Variants in SLC35F6 observed in about 807,000 individuals in gnomAD.
SLC35F6 encodes solute carrier family 35 member F6, also known as ANT2-binding protein.
In SLC35F6, 26 loss-of-function variants were observed where a neutral mutation model predicts 29.4. The ratio of observed to expected loss-of-function variants is 0.89; its 90% CI spans 0.65 to 1.23. The LOEUF (loss-of-function observed/expected upper bound fraction) is 1.23, where lower values mean the gene tolerates loss of function less well. Among genes scored for constraint, SLC35F6 ranks in the 50% most tolerant of loss-of-function variants. SLC35F6 has a pLI of 0.00. For missense variants in SLC35F6, 428 were observed against 487.8 expected, an observed-to-expected ratio of 0.88 and a Z score of 1.15; for synonymous variants, 174 against 206.6, an observed-to-expected ratio of 0.84 and a Z score of 1.35.
chr2:26,773,667 C>T (rs1043312830), intron 1 of SLC35F6, among the ~76,000 whole-genome samples: 2 of 147,526 alleles, frequency 1.4e-5, no homozygotes, highest in African/African-American at 5.0e-5. Flanking sequence ...GGCTGGAGTG[C>T]AGTGGTGCAA....
chr2:26,767,234 G>A (rs534204176), intron 1 of SLC35F6, among the ~76,000 whole-genome samples: 116 of 152,254 alleles, frequency 7.6e-4, no homozygotes, highest in African/African-American at 2.6e-3. Context: ...TGGCATCTGC[G>A]CTCCCAGCCT....
chr2:26,764,544 G>T, intron 1 of SLC35F6, 118 bp downstream of exon 1: 5 of 1,306,516 alleles, frequency 3.8e-6, no homozygotes. Context: ...GCTCCGGTCA[G>T]TTCGCGCGCG....
At chr2:26,767,330 G>C (rs1410464189) in intron 1 of SLC35F6, among the ~76,000 whole-genome samples, 9 of 152,240 alleles carry the variant, frequency 5.9e-5, no homozygotes, top group African/African-American at 1.9e-4. Context: ...CTGGAGTCCA[G>C]GCCACTCAAG....
chr2:26,771,802 TA>T (rs112384772), intron 1 of SLC35F6, among the ~76,000 whole-genome samples: 92 of 143,982 alleles, frequency 6.4e-4, no homozygotes, highest in Admixed American at 6.2e-4. Flanking sequence ...ACCCTCTCTC[TA>T]AAAAAAAAAA....
chr2:26,777,423 C>T (rs1158087477), intron 5 of SLC35F6, among the ~76,000 whole-genome samples: 2 of 152,174 alleles, frequency 1.3e-5, no homozygotes, highest in East Asian at 3.8e-4. Context: ...GGGGCTAGTG[C>T]CTGTTGGGGA....
chr2:26,771,070 C>G (rs1009286586), intron 1 of SLC35F6, among the ~76,000 whole-genome samples: 2 of 152,228 alleles, frequency 1.3e-5, no homozygotes, highest in Non-Finnish European at 2.9e-5. Context: ...GGGAGCGCTG[C>G]CAGCCAGGCC....
chr2:26,768,656 CTTT>C (rs569353471), intron 1 of SLC35F6, among the ~76,000 whole-genome samples: 7 of 123,948 alleles, frequency 5.6e-5, no homozygotes, highest in Non-Finnish European at 6.8e-5. Context: ...TGTGCCCAGC[CTTT>C]TTTTTTTTTT....
At chr2:26,764,454 G>T (rs369592926) in intron 1 of SLC35F6, 28 bp downstream of exon 1, 71 of 1,550,414 alleles carry the variant, frequency 4.6e-5, no homozygotes, top group Non-Finnish European at 5.3e-5. Context: ...CGGGCGTGCG[G>T]GCCCTGGCGA....
chr2:26,766,224 A>G (rs1464839903), intron 1 of SLC35F6, among the ~76,000 whole-genome samples: 2 of 152,190 alleles, frequency 1.3e-5, no homozygotes, highest in East Asian at 1.9e-4. Context: ...TCTAAGGTCA[A>G]ACCACAAGAA....
chr2:26,766,139 C>T (rs1364349788), intron 1 of SLC35F6, among the ~76,000 whole-genome samples: 2 of 152,182 alleles, frequency 1.3e-5, no homozygotes, highest in African/African-American at 4.8e-5. Context: ...CTGTCCCCTG[C>T]CTGACAGCTG....
At chr2:26,769,291 G>C (rs945797275) in intron 1 of SLC35F6, among the ~76,000 whole-genome samples, 10 of 152,220 alleles carry the variant, frequency 6.6e-5, no homozygotes, top group Admixed American at 4.6e-4. Context: ...CCAGCACGGA[G>C]AGCCTACTCC....
Position 26,775,544 on chromosome 2 carries a change from T to C in SLC35F6, c.403T>C (p.Phe135Leu). 6.8e-6 allele frequency: 11 copies of C among 1,609,940 alleles called. No individual in the cohort carries two copies. The highest frequency in any genetic ancestry group is 9.3e-6 in the Non-Finnish European group (11 of 1,179,602). Residue 135 changes from phenylalanine to leucine, a missense_variant, in exon 4 of 6, where the codon TTC becomes CTC. Phe to Leu is a conservative substitution (Grantham distance 22). Coordinates refer to ENST00000344420, the MANE Select transcript of SLC35F6 (RefSeq NM_017877.4). This position sits in a 1 kb window ranked among gnomAD's most constrained non-coding sequence, Gnocchi z 4.6. ...ATTCACTGGCCTGTTCTCGGTGGCC[T>C]TCCTGGGCCGGAGGCTGGTGCTGAG... ...IIFTGLFSVA[F>L]LGRRLVLSQW...
At chr2:26,769,892 G>A (rs1664163487) in intron 1 of SLC35F6, among the ~76,000 whole-genome samples, 1 of 152,158 alleles carries the variant, frequency 6.6e-6, no homozygotes, top group South Asian at 2.1e-4. Flanking sequence ...TATTGCTTCT[G>A]ACAGTTTGTC....
chr2:26,772,829 A>G (rs1383194176), intron 1 of SLC35F6, among the ~76,000 whole-genome samples: 1 of 152,248 alleles, frequency 6.6e-6, no homozygotes, highest in Non-Finnish European at 1.5e-5. Flanking sequence ...ATTTTCATGC[A>G]CAGATGGCAG....
chr2:26,772,642 G>C (rs1664219326), intron 1 of SLC35F6, among the ~76,000 whole-genome samples: 2 of 152,206 alleles, frequency 1.3e-5, no homozygotes, highest in African/African-American at 4.8e-5. Context: ...AGTACTTCCA[G>C]AAGTCAGTGG....
chr2:26,777,908 G>A (rs1664330481), intron 5 of SLC35F6, 134 bp from the exon 6 acceptor site: 6 of 765,142 alleles, frequency 7.8e-6, no homozygotes, highest in Non-Finnish European at 1.3e-5. Flanking sequence ...GAGAGACTGA[G>A]GGACGTGAAA....
In SLC35F6 at chr2:26,775,216, G is replaced by A; in HGVS notation, c.322+1G>A. ...ACAGGGACCAGCCTCATGTATGTGG[G>A]TGAGTAACCAGGCCAGGCTGAGAAG... On this transcript the variant is annotated splice_donor_variant, in intron 3 of 5. Transcript: ENST00000344420. LOFTEE classifies it high-confidence loss of function. The surrounding 1 kb of genome is among the most constrained non-coding windows in gnomAD (Gnocchi z 4.6). 1 of 1,612,810 alleles carries A rather than the reference G, an allele frequency of 6.2e-7. No individual in the cohort carries two copies. The highest frequency in any genetic ancestry group is 2.2e-5 in the East Asian group (1 of 44,840).
intron 1 of SLC35F6, 100 bp downstream of exon 1, chr2:26,764,526 T>G: frequency 7.0e-7 from 1 of 1,418,828 alleles, no homozygotes; most frequent in South Asian, 1.2e-5. Flanking sequence ...TCCCCTGCTT[T>G]CCCACTTGCT....
At chr2:26,766,156 G>A (rs1229135060) in intron 1 of SLC35F6, among the ~76,000 whole-genome samples, 6 of 152,056 alleles carry the variant, frequency 3.9e-5, no homozygotes, top group Non-Finnish European at 5.9e-5. Flanking sequence ...GCTGGTGTGG[G>A]GCCTCTCAGG....
Sources: gnomAD v4.1 joint callset for allele counts (sites outside exome capture counted in the v4.1 genomes callset) on GRCh38, gnomAD v4.1.1 for gene constraint, Gnocchi (gnomAD v3.1) non-coding constraint, MANE v1.5 for transcripts, NCBI Gene and HGNC (gene_info 2026-07-23, HGNC 2026-07-21) for gene names.